The following PHKA1 variants were observed in gnomAD, a reference collection of about 807,000 sequenced individuals.
PHKA1 encodes phosphorylase b kinase regulatory subunit alpha, skeletal muscle isoform.
A neutral mutation model predicts 110.2 loss-of-function variants in PHKA1; 60 were observed. That is an observed-to-expected ratio of 0.54 (90% CI 0.44 to 0.68). The LOEUF is 0.68. PHKA1 is among the 30% of genes least tolerant of loss of function. The pLI is 0.00. For missense variants in PHKA1, 801 were observed against 942.5 expected, an observed-to-expected ratio of 0.85 and a Z score of 1.97; for synonymous variants, 316 against 333.6, an observed-to-expected ratio of 0.95 and a Z score of 0.58.
chrX:72,599,764 G>A, intron 28 of PHKA1: 1 of 496,341 alleles, frequency 2.0e-6, no homozygotes, highest in South Asian at 3.2e-5. Flanking sequence ...TTATATAAGA[G>A]CATATTCAAA....
chrX:72,672,572 G>A (rs1556309676), intron 6 of PHKA1, among the ~76,000 whole-genome samples: 1 of 111,565 alleles, frequency 9.0e-6, no homozygotes, highest in African/African-American at 3.3e-5. Context: ...TCCATGAATT[G>A]ATTAATGCAT....
At chrX:72,697,997 T>A (rs782705620) in intron 3 of PHKA1, among the ~76,000 whole-genome samples, 37 of 102,670 alleles carry the variant, frequency 3.6e-4, no homozygotes, top group Middle Eastern at 4.7e-3. Flanking sequence ...AAAAAAAAAA[T>A]TTTTTTTAAG....
At chrX:72,703,870 A>G (rs2076730898) in intron 3 of PHKA1, among the ~76,000 whole-genome samples, 2 of 111,735 alleles carry the variant, frequency 1.8e-5, no homozygotes, top group Admixed American at 9.5e-5. Context: ...ATAAAACACA[A>G]TCTTGATCTT....
rs2053777140 is a variant in PHKA1, at chrX:72,676,169, T to C, written c.538-19A>G. On this transcript the variant is annotated intron_variant, in intron 5 of 31. Transcript: ENST00000373542. Reference sequence around the variant, plus strand: ...CGAAGTCCTGGCATAAAATAACCAATATACAATTAGCAAGTCATAACTACT... The same window carrying C: ...CGAAGTCCTGGCATAAAATAACCAACATACAATTAGCAAGTCATAACTACT... 1.7e-6 allele frequency: 2 copies of C among 1,145,675 alleles called. No individual in the cohort carries two copies. Among genetic ancestry groups the C allele is most frequent in the Non-Finnish European group, 2.4e-6 (2 of 836,037 alleles). The allele number at this position is 1,145,675 out of a possible 1,213,427, so 94.4% of individuals were successfully genotyped here.
chrX:72,669,270 G>T (rs1823805002), intron 6 of PHKA1, among the ~76,000 whole-genome samples: 1 of 112,037 alleles, frequency 8.9e-6, no homozygotes, highest in African/African-American at 3.2e-5. Flanking sequence ...TTCTGCTTCA[G>T]TGTTGCTCTA....
chrX:72,589,330 A>T (rs1287294141), intron 29 of PHKA1, among the ~76,000 whole-genome samples: 1 of 112,126 alleles, frequency 8.9e-6, no homozygotes, highest in African/African-American at 3.2e-5. Flanking sequence ...CAAAAACCAC[A>T]TGATTAACTC....
intron 5 of PHKA1, among the ~76,000 whole-genome samples, chrX:72,677,723 A>G (rs1556312441): frequency 4.5e-5 from 5 of 111,450 alleles, no homozygotes; most frequent in African/African-American, 1.6e-4. Context: ...GTATTCTTTC[A>G]GGTTGGCTCC....
intron 28 of PHKA1, among the ~76,000 whole-genome samples, chrX:72,595,253 A>C (rs1195954135): frequency 2.7e-5 from 3 of 111,745 alleles, no homozygotes; most frequent in African/African-American, 9.8e-5. Context: ...TCATGATAAA[A>C]ACACTCAACA....
chrX:72,668,185 A>T (rs2053636921), intron 6 of PHKA1, among the ~76,000 whole-genome samples: 1 of 112,079 alleles, frequency 8.9e-6, no homozygotes, highest in African/African-American at 3.2e-5. Context: ...TAAATTATAA[A>T]TTCCTTGAGG....
rs1211861775 is a variant in PHKA1 at position 72,579,773 on chromosome X, A to C, written c.*1229T>G. On this transcript the variant is annotated 3_prime_UTR_variant, in exon 32 of 32. Coordinates refer to ENST00000373542, the MANE Select transcript of PHKA1 (RefSeq NM_002637.4). ...ACACACACACACACATACACACACA[A>C]ATATGTGTCTTTATAAGAAACAGAC... 9.0e-6 allele frequency: 1 copy of C among 111,325 alleles called. No individual in the cohort carries two copies. The highest frequency in any genetic ancestry group is 1.9e-5 in the Non-Finnish European group (1 of 53,047). The allele number at this position is 111,325 out of a possible 1,213,427, so 9.2% of individuals were successfully genotyped here. A position where few individuals can be genotyped will look rare whatever the true frequency, so the allele number is the denominator to read the frequency against.
At chrX:72,662,644 AAC>A (rs1556304698) in intron 8 of PHKA1, among the ~76,000 whole-genome samples, 1 of 111,440 alleles carries the variant, frequency 9.0e-6, no homozygotes, top group African/African-American at 3.3e-5. Flanking sequence ...TGGCTAGAAA[AAC>A]AGTCTGGCAG....
chrX:72,602,851 A>G (rs1378929255), intron 26 of PHKA1, among the ~76,000 whole-genome samples: 1 of 112,250 alleles, frequency 8.9e-6, no homozygotes, highest in African/African-American at 3.2e-5. Context: ...GTTGTCCTAA[A>G]GTGGAGGCTT....
In PHKA1 at chrX:72,609,640, C is replaced by A. The variant is rs1556257025; in HGVS notation, c.2590G>T (p.Glu864Ter). The stretch of plus-strand genomic sequence containing the variant: ...CATACTCACGCAGAGATAGTCTTTT[C>A]TCGAGGTTCTGGAGGAAGTCCTACT... ...LTVGLPPEPREKTISAPLPYE... is the reference protein window; with the variant it reads ...LTVGLPPEPR The change falls in exon 23 of 32, where the codon GAA becomes TAA. Residue 864 changes from glutamate to a stop codon, truncating the protein, a stop_gained. Coordinates refer to ENST00000373542, the MANE Select transcript of PHKA1 (RefSeq NM_002637.4). LOFTEE classifies it high-confidence loss of function. 1 of 1,204,504 alleles carries A rather than the reference C, an allele frequency of 8.3e-7. No individual in the cohort carries two copies.
At chrX:72,713,074 C>T in intron 1 of PHKA1, 137 bp from the exon 2 acceptor site, 1 of 608,522 alleles carries the variant, frequency 1.6e-6, no homozygotes, top group African/African-American at 2.2e-5. Flanking sequence ...ACCTCCTCTT[C>T]TTCTGACCTA....
chrX:72,589,541 T>C (rs1394452091), intron 29 of PHKA1, among the ~76,000 whole-genome samples: 6 of 111,598 alleles, frequency 5.4e-5, no homozygotes, highest in Non-Finnish European at 1.1e-4. Context: ...CCTCTCTCAC[T>C]ATTCCTATTC....
intron 25 of PHKA1, 45 bp from the exon 26 acceptor site, chrX:72,603,265 G>C (rs1228695394): frequency 1.3e-6 from 1 of 775,244 alleles, no homozygotes; most frequent in African/African-American, 2.0e-5. Flanking sequence ...TAATTTGCCT[G>C]CCATGCCCTC....
At position 72,702,896 on chromosome X, in the gene PHKA1, G is replaced by A. The variant is rs193031940; in HGVS notation, c.285+2302C>T. 4.5e-5 allele frequency among the ~76,000 whole-genome samples: 5 copies of A among 111,549 alleles called. No individual in the cohort carries two copies. In the South Asian group the frequency reaches 1.5e-3, roughly 34 times the overall value. On this transcript the variant is annotated intron_variant, in intron 3 of 31. Coordinates refer to ENST00000373542, the MANE Select transcript of PHKA1 (RefSeq NM_002637.4). Reference sequence around the variant, plus strand: ...ATGCATATTCTGATTGCCTCCTTTGGAAAGACTTATCAGAAACTCAAGAGA... The same window carrying A: ...ATGCATATTCTGATTGCCTCCTTTGAAAAGACTTATCAGAAACTCAAGAGA...
At chrX:72,636,473 CAT>C (rs2053231725) in intron 14 of PHKA1, 87 bp from the exon 15 acceptor site, 1 of 544,564 alleles carries the variant, frequency 1.8e-6, no homozygotes, top group Admixed American at 2.4e-5. Flanking sequence ...TATACACACA[CAT>C]ACACAATGTA....
intron 16 of PHKA1, among the ~76,000 whole-genome samples, chrX:72,628,528 A>T (rs1291715396): frequency 9.5e-6 from 1 of 105,752 alleles, no homozygotes; most frequent in Non-Finnish European, 1.9e-5. Flanking sequence ...GCTCTCTTCA[A>T]CCTAAGATAA....
Sources: allele counts gnomAD v4.1 joint callset (sites outside exome capture counted in the v4.1 genomes callset), GRCh38; gene constraint gnomAD v4.1.1; transcripts MANE v1.5; gene names NCBI Gene and HGNC (gene_info 2026-07-23, HGNC 2026-07-21).